EFL1: variants seen among roughly 807,000 people sequenced by gnomAD.
EFL1 encodes elongation factor like GTPase 1.
EFL1 carries 76 observed loss-of-function variants against 126.7 expected under a neutral mutation model. That is an observed-to-expected ratio of 0.60 (90% CI 0.50 to 0.73). The LOEUF is 0.73. Among genes scored for constraint, EFL1 ranks in the 30% least tolerant of loss-of-function variants. The pLI is 0.00. For missense variants in EFL1, 1,128 were observed against 1,343.2 expected (o/e 0.84, Z 2.50); for synonymous variants, 410 against 448.4 (o/e 0.91, Z 1.08).
At chr15:82,246,965 T>G (rs551717050) in intron 4 of EFL1, among the ~76,000 whole-genome samples, 1 of 152,070 alleles carries the variant, frequency 6.6e-6, no homozygotes, top group East Asian at 1.9e-4. Context: ...GATGAAGACG[T>G]GTAGAGAATT....
chr15:82,132,982 G>T (rs989403456), intron 19 of EFL1, among the ~76,000 whole-genome samples: 1 of 152,080 alleles, frequency 6.6e-6, no homozygotes. Context: ...CTCAGGGCCT[G>T]GGCAGGAGGA....
Position 82,151,804 on chromosome 15 carries a change from C to A in EFL1, c.2650G>T (p.Glu884Ter). The A allele has an allele frequency of 3.1e-6, 5 of 1,614,160 alleles. No individual in the cohort carries two copies. The highest frequency in any genetic ancestry group is 4.2e-6 in the Non-Finnish European group (5 of 1,180,032). The part of the protein sequence containing the change: ...QLATLSGPMC[E>*]EPLMGVCFVL... ...AAACAGACACCCATGAGAGGCTCCTCACACATGGGGCCAGAGAGGGTTGCT... is the reference window on the plus strand; with the variant it reads ...AAACAGACACCCATGAGAGGCTCCTAACACATGGGGCCAGAGAGGGTTGCT... The change falls in exon 18 of 20, where the codon GAG (glutamate) becomes TAG (stop). Residue 884 changes from glutamate (E) to a stop codon, truncating the protein, a stop_gained. Coordinates refer to ENST00000268206, the MANE Select transcript of EFL1 (RefSeq NM_024580.6). LOFTEE classifies it high-confidence loss of function.
intron 16 of EFL1, among the ~76,000 whole-genome samples, chr15:82,158,399 G>T (rs1375424664): frequency 6.6e-6 from 1 of 152,122 alleles, no homozygotes; most frequent in Non-Finnish European, 1.5e-5. Context: ...ATTGTGTTCT[G>T]CATGTATTTT....
intron 4 of EFL1, among the ~76,000 whole-genome samples, chr15:82,252,232 T>C (rs1363942617): frequency 6.6e-6 from 1 of 152,226 alleles, no homozygotes; most frequent in Admixed American, 6.5e-5. Flanking sequence ...GTGACATGTA[T>C]CTCATATACT....
chr15:82,247,360 T>G (rs183120194), intron 4 of EFL1, among the ~76,000 whole-genome samples: 12 of 152,214 alleles, frequency 7.9e-5, no homozygotes, highest in African/African-American at 2.7e-4. Context: ...TTCTCAGGGA[T>G]GGTGAAAAGC....
chr15:82,196,544 T>C (rs1799775464), intron 15 of EFL1, among the ~76,000 whole-genome samples: 1 of 152,246 alleles, frequency 6.6e-6, no homozygotes, highest in Non-Finnish European at 1.5e-5. Flanking sequence ...ATGGCTGGGA[T>C]AGTGTAATTT....
chr15:82,210,387 G>T (rs2074571155), intron 15 of EFL1, among the ~76,000 whole-genome samples: 1 of 152,160 alleles, frequency 6.6e-6, no homozygotes, highest in Admixed American at 6.5e-5. Flanking sequence ...GGCTCTCCCT[G>T]TTGGGTTGCT....
intron 15 of EFL1, among the ~76,000 whole-genome samples, chr15:82,170,192 G>A (rs891093344): frequency 7.3e-6 from 1 of 136,074 alleles, no homozygotes; most frequent in East Asian, 2.1e-4. Context: ...TCGGCTCACT[G>A]CAAGCTCCGC....
At chr15:82,170,795 ATTTATGAGT>A (rs1209648145) in intron 15 of EFL1, among the ~76,000 whole-genome samples, 1 of 152,234 alleles carries the variant, frequency 6.6e-6, no homozygotes, top group Non-Finnish European at 1.5e-5. Context: ...GATCAGATCC[ATTTATGAGT>A]TTTGTATCCT....
At chr15:82,251,230 C>T (rs954811876) in intron 4 of EFL1, among the ~76,000 whole-genome samples, 7 of 151,934 alleles carry the variant, frequency 4.6e-5, no homozygotes, top group East Asian at 1.9e-4. Context: ...AAAAAGAAAG[C>T]GTACCTAAAA....
intron 15 of EFL1, among the ~76,000 whole-genome samples, chr15:82,209,413 T>C (rs183120251): frequency 6.6e-6 from 1 of 151,652 alleles, no homozygotes; most frequent in Non-Finnish European, 1.5e-5. Context: ...CTAAAACCAG[T>C]TCAGAAAAAG....
chr15:82,230,923 C>T lies in EFL1; in HGVS notation c.780G>A (p.Lys260=). The T allele has an allele frequency of 1.9e-6, 3 of 1,613,318 alleles. No homozygotes were observed. Among genetic ancestry groups the T allele is most frequent in the Non-Finnish European group, 2.5e-6 (3 of 1,179,582 alleles). Residue 260 remains lysine, a synonymous_variant, in exon 8 of 20, where the codon AAG becomes AAA. Transcript: ENST00000268206. The stretch of plus-strand genomic sequence containing the variant: ...CCCACAAGGTTTTCATAAGAACTTC[C>T]TTTTTGATGCCAATTTTTTGACTGT... The part of the protein sequence containing the change: ...RIYSQKIGIK[K]EVLMKTLWGD...
chr15:82,199,566 T>C (rs1459446918), intron 15 of EFL1, among the ~76,000 whole-genome samples: 1 of 152,216 alleles, frequency 6.6e-6, no homozygotes, highest in African/African-American at 2.4e-5. Context: ...ATCATTTATT[T>C]GGTAATAATA....
At chr15:82,233,036 C>T (rs1452830738) in intron 7 of EFL1, among the ~76,000 whole-genome samples, 1 of 152,052 alleles carries the variant, frequency 6.6e-6, no homozygotes, top group African/African-American at 2.4e-5. Flanking sequence ...TAAATAAACA[C>T]TCTAAAACCT....
rs1239113442 is a variant in EFL1 at position 82,217,427 on chromosome 15, C to T, written c.1611+2225G>A. Among the ~76,000 whole-genome samples the T allele has an allele frequency of 5.8e-5, 4 of 68,468 alleles. No individual in the cohort carries two copies. In the East Asian group the frequency reaches 1.9e-3, roughly 32 times the overall value. The allele number at this position is 68,468 out of a possible 152,430, so 44.9% of individuals were successfully genotyped here. On this transcript the variant is annotated intron_variant, in intron 14 of 19. Transcript: ENST00000268206. ...CAGCAAATATATAGTGACCAAAACA[C>T]TGTATAAATAAAATGTACATTTAAG...
At chr15:82,153,871 G>C (rs894527472) in intron 17 of EFL1, among the ~76,000 whole-genome samples, 3 of 152,000 alleles carry the variant, frequency 2.0e-5, no homozygotes, top group African/African-American at 7.3e-5. Context: ...TAAGAAAAAA[G>C]CCACTTAAAA....
At chr15:82,248,143 A>G (rs1241641803) in intron 4 of EFL1, among the ~76,000 whole-genome samples, 1 of 152,138 alleles carries the variant, frequency 6.6e-6, no homozygotes, top group Non-Finnish European at 1.5e-5. Flanking sequence ...AGATTAAACA[A>G]AATCAGGCAT....
At chr15:82,231,660 C>G (rs2141316893) in intron 7 of EFL1, among the ~76,000 whole-genome samples, 1 of 142,014 alleles carries the variant, frequency 7.0e-6, no homozygotes, top group African/African-American at 2.6e-5. Context: ...GATGCCTGCT[C>G]AGGAAAAAAA....
rs565373532 is a variant in EFL1 at position 82,253,044 on chromosome 15, C to G, written c.160-269G>C. 5.0e-4 allele frequency among the ~76,000 whole-genome samples: 71 copies of G among 142,458 alleles called. 1 individual carries two copies. Among genetic ancestry groups the G allele is most frequent in the African/African-American group, 1.7e-3 (66 of 39,060 alleles). 93.5% of individuals were successfully genotyped at this position (142,458 alleles called of 152,430 possible). A position where few individuals can be genotyped will look rare whatever the true frequency, so the allele number is the denominator to read the frequency against. On this transcript the variant is annotated intron_variant, in intron 3 of 19. Transcript: ENST00000268206. ...ACTTAAATTTTAACCTATATAGAGC[C>G]TTTTTTTTTTTTGAGACAGAGTCTT...
Sources: allele counts gnomAD v4.1 joint callset (sites outside exome capture counted in the v4.1 genomes callset), GRCh38; gene constraint gnomAD v4.1.1; transcripts MANE v1.5; gene names NCBI Gene and HGNC (gene_info 2026-07-23, HGNC 2026-07-21).